The following RYR2 variants were observed in gnomAD, a reference collection of about 807,000 sequenced individuals.
RYR2 encodes the protein ryanodine receptor 2.
Under a neutral mutation model 601.1 loss-of-function variants are expected in RYR2, and 227 were observed. That is an observed-to-expected ratio of 0.38 (90% CI 0.34 to 0.42). RYR2 has a LOEUF of 0.42. Among genes scored for constraint, RYR2 ranks in the 10% least tolerant of loss-of-function variants. The pLI is 1.00. For missense variants in RYR2, 4,646 were observed against 6,156.5 expected (o/e 0.75, Z 8.21); for synonymous variants, 2,223 against 2,175.1 (o/e 1.02, Z -0.61).
chr1:237,327,641 A>C (rs538358168), intron 2 of RYR2, among the ~76,000 whole-genome samples: 120 of 152,340 alleles, frequency 7.9e-4, no homozygotes, highest in Non-Finnish European at 1.5e-3. Context: ...GAATCCATGC[A>C]AGAACCGATT....
intron 96 of RYR2, among the ~76,000 whole-genome samples, chr1:237,795,836 G>GTGTATATATATA (rs371932356): frequency 0.27 from 35,127 of 132,166 alleles, 5,401 homozygotes; most frequent in East Asian, 0.45. Flanking sequence ...GTGTGTGTGT[G>GTGTATATATATA]TATATATATA....
intron 2 of RYR2, among the ~76,000 whole-genome samples, chr1:237,287,041 G>A (rs1428835422): frequency 6.6e-6 from 1 of 152,056 alleles, no homozygotes; most frequent in African/African-American, 2.4e-5. Context: ...CTCAGCATTT[G>A]TTTGTCTGAA....
chr1:237,334,236 G>A (rs1697029415), intron 3 of RYR2, among the ~76,000 whole-genome samples: 1 of 152,030 alleles, frequency 6.6e-6, no homozygotes, highest in African/African-American at 2.4e-5. Context: ...TGTCATTTGT[G>A]ACAAAGTAAA....
intron 26 of RYR2, among the ~76,000 whole-genome samples, chr1:237,548,968 GA>G (rs1039035813): frequency 2.7e-4 from 41 of 152,162 alleles, no homozygotes; most frequent in African/African-American, 9.9e-4. Context: ...ATAAATTTCA[GA>G]ATTCAGTCTT....
intron 1 of RYR2, among the ~76,000 whole-genome samples, chr1:237,091,583 C>T (rs116580341): frequency 6.6e-6 from 1 of 151,972 alleles, no homozygotes; most frequent in Non-Finnish European, 1.5e-5. Flanking sequence ...CGGTGCCACA[C>T]CTGGCTAATT....
intron 1 of RYR2, among the ~76,000 whole-genome samples, chr1:237,215,660 A>C (rs1199045707): frequency 1.3e-5 from 2 of 152,172 alleles, no homozygotes; most frequent in Admixed American, 6.5e-5. Flanking sequence ...CTAGTCTTGT[A>C]AACTTAGGAA....
chr1:237,683,822 A>G (rs972305731), intron 62 of RYR2, among the ~76,000 whole-genome samples: 4 of 152,210 alleles, frequency 2.6e-5, no homozygotes, highest in African/African-American at 9.6e-5. Flanking sequence ...TTGGGAGGCC[A>G]TGGCAGGCAC....
At chr1:237,321,755 A>G (rs527313253) in intron 2 of RYR2, among the ~76,000 whole-genome samples, 2 of 152,340 alleles carry the variant, frequency 1.3e-5, no homozygotes, top group South Asian at 4.1e-4. Context: ...ATGAAGTCAT[A>G]AATTGTATTC....
intron 24 of RYR2, among the ~76,000 whole-genome samples, chr1:237,523,448 A>C (rs1667280234): frequency 6.6e-6 from 1 of 152,204 alleles, no homozygotes; most frequent in Admixed American, 6.5e-5. Context: ...AAAAATTGGC[A>C]AAACAGCTGG....
chr1:237,454,364 T>C (rs1267315744), intron 14 of RYR2, 27 bp from the exon 15 acceptor site: 2 of 1,564,776 alleles, frequency 1.3e-6, no homozygotes, highest in Non-Finnish European at 1.7e-6. Flanking sequence ...TCACTGACAA[T>C]AGAGAAATGT....
At chr1:237,700,912 T>C (rs1247659018) in intron 65 of RYR2, among the ~76,000 whole-genome samples, 1 of 152,226 alleles carries the variant, frequency 6.6e-6, no homozygotes, top group Non-Finnish European at 1.5e-5. Flanking sequence ...ATAATTGGCC[T>C]TTTAGAGTGG....
chr1:237,534,489 T>C (rs187724074), intron 25 of RYR2, among the ~76,000 whole-genome samples: 6 of 152,158 alleles, frequency 3.9e-5, no homozygotes, highest in African/African-American at 1.4e-4. Flanking sequence ...GAGTGCTGCA[T>C]GCATGAAACA....
intron 4 of RYR2, 101 bp from the exon 5 acceptor site, chr1:237,364,257 A>T (rs1267318145): frequency 9.5e-7 from 1 of 1,054,520 alleles, no homozygotes; most frequent in African/African-American, 1.6e-5. Flanking sequence ...ACATAGCTCC[A>T]TTTAGGATAA....
chr1:237,174,158 A>T (rs936963600), intron 1 of RYR2, among the ~76,000 whole-genome samples: 13 of 152,206 alleles, frequency 8.5e-5, no homozygotes, highest in Non-Finnish European at 1.8e-4. Context: ...AGAATTTTTT[A>T]AAAGTTTCAT....
intron 94 of RYR2, 43 bp from the exon 95 acceptor site, chr1:237,793,824 G>C (rs1322631282): frequency 4.7e-6 from 7 of 1,485,782 alleles, no homozygotes; most frequent in Non-Finnish European, 6.5e-6. Flanking sequence ...AGATATGCCA[G>C]TAAATCTAAA....
intron 3 of RYR2, among the ~76,000 whole-genome samples, chr1:237,336,269 G>T (rs1697230008): frequency 6.6e-6 from 1 of 151,930 alleles, no homozygotes; most frequent in African/African-American, 2.4e-5. Context: ...TTTTTCCAAG[G>T]AACAATTTGA....
At chr1:237,514,204 T>C (rs1666195728) in intron 24 of RYR2, among the ~76,000 whole-genome samples, 1 of 152,222 alleles carries the variant, frequency 6.6e-6, no homozygotes, top group African/African-American at 2.4e-5. Flanking sequence ...TCTAACATAA[T>C]TTAAATTTGC....
intron 36 of RYR2, among the ~76,000 whole-genome samples, chr1:237,612,752 CATT>C: frequency 6.6e-6 from 1 of 152,128 alleles, no homozygotes; most frequent in South Asian, 2.1e-4. Context: ...GGAATTTTAA[CATT>C]ATAATTTAAC....
chr1:237,345,434 T>C (rs2808229), intron 3 of RYR2, among the ~76,000 whole-genome samples: 21,874 of 150,340 alleles, frequency 0.15, 1,765 homozygotes, highest in East Asian at 0.34. Context: ...CCAGCCTGGG[T>C]GAAAGAGAGA....
Sources: gnomAD v4.1 joint callset for allele counts (sites outside exome capture counted in the v4.1 genomes callset) on GRCh38, gnomAD v4.1.1 for gene constraint, MANE v1.5 for transcripts, NCBI Gene and HGNC (gene_info 2026-07-23, HGNC 2026-07-21) for gene names.